Variants in MGAT5 observed in about 807,000 individuals in gnomAD.
The protein encoded by MGAT5 is alpha-1,6-mannosylglycoprotein 6-beta-N-acetylglucosaminyltransferase A.
A neutral mutation model predicts 94.3 loss-of-function variants in MGAT5; 30 were observed. The ratio of observed to expected loss-of-function variants is 0.32; its 90% confidence interval spans 0.24 to 0.43. The LOEUF is 0.43. MGAT5 is among the 20% of genes least tolerant of loss of function. The pLI, the probability that MGAT5 is intolerant of heterozygous loss-of-function variation, is 1.00. For missense variants in MGAT5, 691 were observed against 905.5 expected, an observed-to-expected ratio of 0.76 and a Z score of 3.04; for synonymous variants, 310 against 322.9, an observed-to-expected ratio of 0.96 and a Z score of 0.43.
chr2:134,334,072 A>T (rs1688179563), intron 4 of MGAT5, among the ~76,000 whole-genome samples: 1 of 152,116 alleles, frequency 6.6e-6, no homozygotes, highest in Admixed American at 6.6e-5. Flanking sequence ...TAACAGCAAA[A>T]TTTCTTGCTA....
chr2:134,287,924 T>A (rs748400245), intron 2 of MGAT5, among the ~76,000 whole-genome samples: 4 of 152,352 alleles, frequency 2.6e-5, no homozygotes, highest in Non-Finnish European at 4.4e-5. Flanking sequence ...TTTGAAAAAT[T>A]CACCAGTGTA....
chr2:134,197,640 G>A (rs2105265649), intron 1 of MGAT5, among the ~76,000 whole-genome samples: 1 of 152,300 alleles, frequency 6.6e-6, no homozygotes, highest in South Asian at 2.1e-4. Flanking sequence ...CATGTAGGAC[G>A]GAAAATCTTT....
At chr2:134,389,880 G>A (rs1682290781) in intron 10 of MGAT5, among the ~76,000 whole-genome samples, 1 of 152,078 alleles carries the variant, frequency 6.6e-6, no homozygotes, top group Admixed American at 6.5e-5. Context: ...ACATTCAACT[G>A]GAGTTCAGAA....
At chr2:134,148,722 T>G (rs1037134283) in intron 1 of MGAT5, among the ~76,000 whole-genome samples, 2 of 152,010 alleles carry the variant, frequency 1.3e-5, no homozygotes, top group Non-Finnish European at 2.9e-5. Context: ...CTTTCTGAGC[T>G]AGCTGTTGTT....
In MGAT5 at chr2:134,326,396, C is replaced by CA. The variant is rs148352819; in HGVS notation, c.573+7658dup. Among the ~76,000 whole-genome samples the CA allele has an allele frequency of 9.2e-3, 1,393 of 152,146 alleles. 15 individuals are homozygous for CA. The highest frequency in any genetic ancestry group is 0.032 in the African/African-American group (1,321 of 41,520). ...TGAGGACCTATTCATACTGCTTTCT[C>CA]AGACCTTTTGACATGACCATGGTAG... On this transcript the variant is annotated intron_variant, in intron 4 of 15. Transcript: ENST00000281923.
intron 1 of MGAT5, among the ~76,000 whole-genome samples, chr2:134,249,042 T>G (rs1488823140): frequency 1.3e-5 from 2 of 150,892 alleles, no homozygotes; most frequent in Non-Finnish European, 3.0e-5. Flanking sequence ...ATAAGAGCGG[T>G]CATATGTGGT....
At chr2:134,381,168 G>T (rs1681516148) in intron 10 of MGAT5, among the ~76,000 whole-genome samples, 1 of 152,082 alleles carries the variant, frequency 6.6e-6, no homozygotes, top group Non-Finnish European at 1.5e-5. Context: ...GACTATTATA[G>T]CTGGGTATGG....
chr2:134,413,126 G>C (rs1287076306), intron 12 of MGAT5, 111 bp downstream of exon 12: 2 of 1,251,550 alleles, frequency 1.6e-6, no homozygotes, highest in Middle Eastern at 1.9e-4. Context: ...GAGGGTGAGG[G>C]TATAGAGGCT....
chr2:134,196,365 G>A (rs1320132353), intron 1 of MGAT5, among the ~76,000 whole-genome samples: 2 of 151,548 alleles, frequency 1.3e-5, no homozygotes, highest in East Asian at 3.9e-4. Context: ...GGGTCTGAAT[G>A]TGTGGTATAT....
At position 134,154,996 on chromosome 2, in the gene MGAT5, G is replaced by A. The variant is rs545403299; in HGVS notation, c.-143+34705G>A. On this transcript the variant is annotated intron_variant, in intron 1 of 16. Transcript: ENST00000409645. ...AATGCTAACTCTTAGGAATAACAGA[G>A]GCTCAGTGACCGCCCTGTGTTTTGG... Among the ~76,000 whole-genome samples, 6 of 152,326 alleles carry A rather than the reference G, an allele frequency of 3.9e-5. No individual in the cohort carries two copies. The South Asian group carries it at 1.2e-3, about 32-fold the overall frequency.
At chr2:134,164,852 C>CAAA (rs1491384495) in intron 1 of MGAT5, among the ~76,000 whole-genome samples, 3 of 148,332 alleles carry the variant, frequency 2.0e-5, no homozygotes, top group Non-Finnish European at 4.5e-5. Context: ...AAAAAAAAAA[C>CAAA]CAAACCAAAC....
Position 134,381,536 on chromosome 2 carries a change from C to CAGACAGACAGACAGATAGATAGAT in MGAT5, c.1380+19131_1380+19132insCAGACAGACAGATAGATAGATAGA, listed in dbSNP as rs59821586. On this transcript the variant is annotated intron_variant, in intron 10 of 15. Coordinates refer to ENST00000281923, the MANE Select transcript of MGAT5 (RefSeq NM_002410.5). ...CCAGACAGACAGACAGACAGACAGACAGATAGATAGATAGATAGATAGCAC... is the reference window on the plus strand; with the variant it reads ...CCAGACAGACAGACAGACAGACAGACAGACAGACAGACAGATAGATAGATAGATAGATAGATAGATAGATAGCAC... 9.5e-5 allele frequency among the ~76,000 whole-genome samples: 14 copies of CAGACAGACAGACAGATAGATAGAT among 146,958 alleles called. No individual in the cohort carries two copies. In the South Asian group the frequency reaches 1.1e-3, roughly 12 times the overall value.
At chr2:134,124,921 C>T (rs1685772628) in intron 1 of MGAT5, among the ~76,000 whole-genome samples, 1 of 152,204 alleles carries the variant, frequency 6.6e-6, no homozygotes, top group Non-Finnish European at 1.5e-5. Context: ...TAGTTCGGTG[C>T]ACAGACTTCT....
intron 1 of MGAT5, among the ~76,000 whole-genome samples, chr2:134,227,210 T>G (rs889839212): frequency 2.6e-5 from 4 of 152,304 alleles, no homozygotes; most frequent in African/African-American, 9.6e-5. Context: ...GAGACATCCT[T>G]GGGCTCTGTA....
chr2:134,122,911 C>T (rs1297466070), intron 1 of MGAT5, among the ~76,000 whole-genome samples: 2 of 152,216 alleles, frequency 1.3e-5, no homozygotes, highest in African/African-American at 4.8e-5. Context: ...TGCAGAGCAG[C>T]TCATGGGCTT....
At chr2:134,235,727 G>GTTTTTT (rs111416761) in intron 1 of MGAT5, among the ~76,000 whole-genome samples, 2 of 149,352 alleles carry the variant, frequency 1.3e-5, no homozygotes, top group Non-Finnish European at 3.0e-5. Flanking sequence ...TAATAATAGG[G>GTTTTTT]GTTTTTTTTT....
At chr2:134,303,393 G>A (rs7574239) in intron 2 of MGAT5, among the ~76,000 whole-genome samples, 84,089 of 151,986 alleles carry the variant, frequency 0.55, 26,527 homozygotes, top group Non-Finnish European at 0.71. Context: ...GTCTGGGTTC[G>A]GTAAACTTCC....
chr2:134,289,407 A>C (rs955411604), intron 2 of MGAT5, among the ~76,000 whole-genome samples: 3 of 152,120 alleles, frequency 2.0e-5, no homozygotes, highest in African/African-American at 7.2e-5. Flanking sequence ...GCCATCAGCC[A>C]GCTGCTTCCT....
At position 134,374,336 on chromosome 2, in the gene MGAT5, C is replaced by T. The variant is rs74962332; in HGVS notation, c.1380+11928C>T. ...TAGACGTGAAAATCATGAGATTTAC[C>T]CTGTGGAACCTTCTACATCAGTGCA... On this transcript the variant is annotated intron_variant, in intron 10 of 15. Coordinates refer to ENST00000281923, the MANE Select transcript of MGAT5 (RefSeq NM_002410.5). Among the ~76,000 whole-genome samples the T allele has an allele frequency of 5.3e-3, 811 of 152,120 alleles. 9 individuals carry two copies. Among genetic ancestry groups the T allele is most frequent in the African/African-American group, 0.019 (772 of 41,488 alleles).
Sources: allele counts gnomAD v4.1 joint callset (sites outside exome capture counted in the v4.1 genomes callset), GRCh38; gene constraint gnomAD v4.1.1; transcripts MANE v1.5; gene names NCBI Gene and HGNC (gene_info 2026-07-23, HGNC 2026-07-21).